Variants in MCPH1 observed in about 807,000 individuals in gnomAD.
MCPH1 encodes microcephalin 1.
A neutral mutation model predicts 84.5 loss-of-function variants in MCPH1; 104 were observed. The observed-to-expected ratio is 1.23, with a 90% CI of 1.05 to 1.45. The LOEUF is 1.45. MCPH1 is among the 40% of genes most tolerant of loss of function. MCPH1 has a pLI of 0.00. For missense variants in MCPH1, 1,498 were observed against 1,005.7 expected (o/e 1.49, Z -6.62); for synonymous variants, 514 against 366.8 (o/e 1.40, Z -4.58).
chr8:6,424,831 G>T (rs2920685), intron 3 of MCPH1, among the ~76,000 whole-genome samples: 2,016 of 152,338 alleles, frequency 0.013, 47 homozygotes, highest in African/African-American at 0.045. Context: ...TGAGTCTCCT[G>T]TGTTCTTCCT....
intron 12 of MCPH1, among the ~76,000 whole-genome samples, chr8:6,572,264 C>T (rs1826721748): frequency 1.3e-5 from 2 of 152,016 alleles, no homozygotes; most frequent in Non-Finnish European, 2.9e-5. Context: ...ATAATATGCG[C>T]TCTCCTCCCA....
chr8:6,428,736 C>T (rs962012114), intron 3 of MCPH1, among the ~76,000 whole-genome samples: 8 of 146,728 alleles, frequency 5.5e-5, no homozygotes, highest in Admixed American at 1.3e-4. Flanking sequence ...TGTATGGACA[C>T]GTGCGCACGC....
chr8:6,626,458 T>G (rs1832083163), intron 13 of MCPH1: 1 of 981,658 alleles, frequency 1.0e-6, no homozygotes, highest in African/African-American at 1.8e-5. Context: ...GGGTTGTTGT[T>G]TGGTTTTTTT....
At position 6,439,072 on chromosome 8, in the gene MCPH1, A is replaced by G. The variant is rs1324829574; in HGVS notation, c.556A>G (p.Lys186Glu). ...MEKRLQEMKEKRENLSPTSSQ... is the reference protein window; with the variant it reads ...MEKRLQEMKEERENLSPTSSQ... Reference sequence around the variant, plus strand: ...GAAGAGATTACAAGAGATGAAGGAGAAAAGGGAAAATCTTTCCCCCACCTG... The same window carrying G: ...GAAGAGATTACAAGAGATGAAGGAGGAAAGGGAAAATCTTTCCCCCACCTG... Residue 186 changes from lysine to glutamate, a missense_variant, in exon 6 of 14, where the codon AAA becomes GAA. Lys to Glu is a moderately conservative substitution (Grantham distance 56). Coordinates refer to ENST00000344683, the MANE Select transcript of MCPH1 (RefSeq NM_024596.5). 1.2e-6 allele frequency: 2 copies of G among 1,613,374 alleles called. No individual in the cohort carries two copies. The highest frequency in any genetic ancestry group is 2.2e-5 in the East Asian group (1 of 44,824).
chr8:6,542,330 G>T (rs550528569), intron 12 of MCPH1, among the ~76,000 whole-genome samples: 38 of 152,068 alleles, frequency 2.5e-4, no homozygotes, highest in African/African-American at 8.9e-4. Context: ...GTGTGTGTAT[G>T]TATGTGTGTG....
At chr8:6,423,834 C>G (rs1268377828) in intron 3 of MCPH1, among the ~76,000 whole-genome samples, 1 of 152,164 alleles carries the variant, frequency 6.6e-6, no homozygotes, top group East Asian at 1.9e-4. Flanking sequence ...GCATGTTTCC[C>G]AATACCTTTG....
In MCPH1 at chr8:6,474,770, T is replaced by C. The variant is rs540786278; in HGVS notation, c.1936-2824T>C. 2.8e-3 allele frequency among the ~76,000 whole-genome samples: 429 copies of C among 152,198 alleles called. 1 individual carries two copies. The highest frequency in any genetic ancestry group is 8.5e-3 in the South Asian group (41 of 4,818). ...TCCTAGAAATTTTTGGAGTCCAAGA[T>C]GGGAGGATTGCCGAGGGCAGGTATT... On this transcript the variant is annotated intron_variant, in intron 9 of 13. Transcript: ENST00000344683.
At chr8:6,585,114 A>G (rs1827866266) in intron 12 of MCPH1, among the ~76,000 whole-genome samples, 1 of 152,232 alleles carries the variant, frequency 6.6e-6, no homozygotes, top group Non-Finnish European at 1.5e-5. Flanking sequence ...GTATTTTTCT[A>G]ATATTTTCAG....
intron 3 of MCPH1, among the ~76,000 whole-genome samples, chr8:6,416,166 ATTAG>A (rs1301591989): frequency 1.3e-5 from 2 of 152,158 alleles, no homozygotes; most frequent in Non-Finnish European, 2.9e-5. Context: ...TAACTTGTTT[ATTAG>A]TTCTAAATAT....
chr8:6,622,859 G>A (rs561956029), intron 13 of MCPH1, among the ~76,000 whole-genome samples: 5 of 151,992 alleles, frequency 3.3e-5, no homozygotes, highest in African/African-American at 9.7e-5. Flanking sequence ...TTATTTTTTT[G>A]AAACAGTGTC....
At chr8:6,527,716 A>C in intron 12 of MCPH1, 2 of 1,541,878 alleles carry the variant, frequency 1.3e-6, no homozygotes, top group Non-Finnish European at 1.8e-6. Context: ...ATTATTTTTT[A>C]ATTAGTTTAA....
chr8:6,562,545 C>T lies in MCPH1; in HGVS notation c.2215-58909C>T, dbSNP rs1473752146. ...GCTCTCCAGCTCTAATCCTCTTCAT[C>T]CTCCTTCTTTTTTTTTTTTTTTTTT... On this transcript the variant is annotated intron_variant, in intron 12 of 13. Coordinates refer to ENST00000344683, the MANE Select transcript of MCPH1 (RefSeq NM_024596.5). 30 of 168,636 alleles carry T rather than the reference C, an allele frequency of 1.8e-4. No homozygotes were observed. In the East Asian group the frequency reaches 2.0e-3, roughly 11 times the overall value. The allele number at this position is 168,636 out of a possible 1,614,324, so 10.4% of individuals were successfully genotyped here.
chr8:6,516,713 G>A (rs1402854932), intron 12 of MCPH1, among the ~76,000 whole-genome samples: 21 of 152,174 alleles, frequency 1.4e-4, no homozygotes, highest in Admixed American at 1.3e-3. Flanking sequence ...TAAATGGTAT[G>A]CTCTTGGGTT....
At chr8:6,566,830 GAGTGCA>G (rs1826204090) in intron 12 of MCPH1, among the ~76,000 whole-genome samples, 1 of 136,382 alleles carries the variant, frequency 7.3e-6, no homozygotes, top group African/African-American at 2.7e-5. Flanking sequence ...CATGGATAGT[GAGTGCA>G]CACGGTGCGG....
chr8:6,425,103 C>A (rs114247177), intron 3 of MCPH1, among the ~76,000 whole-genome samples: 56 of 152,228 alleles, frequency 3.7e-4, no homozygotes, highest in African/African-American at 1.2e-3. Context: ...TGGTTCCTGG[C>A]CGACCTAGCA....
At chr8:6,596,265 G>A (rs4841333) in intron 12 of MCPH1, among the ~76,000 whole-genome samples, 39,253 of 152,100 alleles carry the variant, frequency 0.26, 5,492 homozygotes, top group South Asian at 0.33. Context: ...TTGGGTTTGC[G>A]TTTGCTCCCC....
intron 12 of MCPH1, among the ~76,000 whole-genome samples, chr8:6,529,987 C>A (rs867484835): frequency 2.0e-5 from 3 of 151,900 alleles, no homozygotes; most frequent in Non-Finnish European, 2.9e-5. Context: ...TGTCCTAACA[C>A]TTTTTCATTA....
chr8:6,551,436 G>T (rs555026381), intron 12 of MCPH1, among the ~76,000 whole-genome samples: 10 of 152,200 alleles, frequency 6.6e-5, no homozygotes, highest in Admixed American at 5.2e-4. Flanking sequence ...GAAAAAACAT[G>T]CATGGATTTA....
At position 6,621,665 on chromosome 8, in the gene MCPH1, A is replaced by G. The variant is rs750765497; in HGVS notation, c.2426A>G (p.Lys809Arg). ...PYSGKKKATV[K>R]YLSEKWVLDS... ...AGCGGAAAGAAGAAAGCCACAGTCA[A>G]GTATCTGTCTGAGAAATGGGTCTTA... Residue 809 changes from lysine to arginine, a missense_variant, in exon 13 of 14, where the codon AAG becomes AGG. By Grantham distance (26) the Lys-to-Arg change is conservative (BLOSUM62 2). Transcript: ENST00000344683. The G allele has an allele frequency of 6.2e-7, 1 of 1,614,206 alleles. No homozygotes were observed. Among genetic ancestry groups the G allele is most frequent in the Non-Finnish European group, 8.5e-7 (1 of 1,180,028 alleles).
Sources: allele counts gnomAD v4.1 joint callset (sites outside exome capture counted in the v4.1 genomes callset), GRCh38; gene constraint gnomAD v4.1.1; transcripts MANE v1.5; gene names NCBI Gene and HGNC (gene_info 2026-07-23, HGNC 2026-07-21).